ZC3H18: variants seen among roughly 807,000 people sequenced by gnomAD.
The protein encoded by ZC3H18 is zinc finger CCCH domain-containing protein 18.
Under a neutral mutation model 106.1 loss-of-function variants are expected in ZC3H18, and 8 were observed. The observed-to-expected ratio is 0.08, with a 90% CI of 0.04 to 0.14. The LOEUF (loss-of-function observed/expected upper bound fraction) is 0.14. Ranked by LOEUF, ZC3H18 falls within the 10% of genes least tolerant of loss-of-function variation. The pLI is 1.00. For missense variants in ZC3H18, 1,318 were observed against 1,278.4 expected, an observed-to-expected ratio of 1.03 and a Z score of -0.47; for synonymous variants, 635 against 522.1, an observed-to-expected ratio of 1.22 and a Z score of -2.95.
chr16:88,628,016 A>G lies in ZC3H18; in HGVS notation c.2366A>G (p.Lys789Arg), dbSNP rs768437534. ...PKSAKPPAGG[K>R]SSQQPSTPQQ... is the part of the protein sequence containing the mutation. ...TCTGCAAAACCTCCAGCAGGGGGGA[A>G]GTCCTCCCAGCAGCCCTCGACACCC... Residue 789 changes from lysine (K) to arginine (R), a missense_variant, in exon 15 of 18, where the codon AAG (lysine) becomes AGG (arginine). Physicochemically the swap from Lys to Arg is conservative, Grantham distance 26. This residue lies in a region of ZC3H18 where 848 missense variants were observed against 821.7 expected (regional missense o/e 1.03). Coordinates refer to ENST00000301011, the MANE Select transcript of ZC3H18 (RefSeq NM_144604.4). 1.1e-5 allele frequency: 17 copies of G among 1,614,188 alleles called. No homozygotes were observed. The highest frequency in any genetic ancestry group is 2.2e-5 in the South Asian group (2 of 91,088).
intron 1 of ZC3H18, 69 bp downstream of exon 1, chr16:88,570,635 G>T: frequency 6.6e-6 from 1 of 150,558 alleles, no homozygotes; most frequent in South Asian, 1.9e-4. Flanking sequence ...CCGCCGAGGC[G>T]GCGGCGGCGG....
intron 8 of ZC3H18, among the ~76,000 whole-genome samples, chr16:88,614,400 G>A (rs1905453574): frequency 6.6e-6 from 1 of 152,350 alleles, no homozygotes; most frequent in Non-Finnish European, 1.5e-5. Flanking sequence ...CCGCTCTTGT[G>A]TACAGTGGAA....
chr16:88,589,220 C>T lies in ZC3H18; in HGVS notation c.688+2536C>T, dbSNP rs1316469054. 3.3e-5 allele frequency among the ~76,000 whole-genome samples: 5 copies of T among 152,314 alleles called. No individual in the cohort carries two copies. The East Asian group carries it at 5.8e-4, about 18-fold the overall frequency. On this transcript the variant is annotated intron_variant, in intron 3 of 17. Transcript: ENST00000301011. ...GATGTTGGAGCCCTCATTCACTGCT[C>T]GTGAGAGGGTAAAACGGTGCAGCTG...
chr16:88,580,008 G>A (rs1432118893), intron 2 of ZC3H18, among the ~76,000 whole-genome samples: 1 of 152,122 alleles, frequency 6.6e-6, no homozygotes, highest in Non-Finnish European at 1.5e-5. Context: ...CAGGCCCCTG[G>A]GTTGCTTGCC....
At chr16:88,591,111 C>T (rs1915725411) in intron 3 of ZC3H18, among the ~76,000 whole-genome samples, 2 of 152,012 alleles carry the variant, frequency 1.3e-5, no homozygotes, top group Admixed American at 6.6e-5. Flanking sequence ...GTTGGAACTA[C>T]AGGCGCCCGC....
At chr16:88,630,963 A>C (rs1597365117) in intron 17 of ZC3H18, 138 bp from the exon 18 acceptor site, 3 of 1,071,790 alleles carry the variant, frequency 2.8e-6, no homozygotes, top group African/African-American at 3.1e-5. Context: ...TGGCAGTGGG[A>C]GCCTGGCCAT....
Position 88,631,124 on chromosome 16 carries a change from C to A in ZC3H18, c.2687C>A (p.Ser896Tyr). 6.2e-7 allele frequency: 1 copy of A among 1,612,756 alleles called. No homozygotes were observed. The highest frequency in any genetic ancestry group is 1.1e-5 in the South Asian group (1 of 91,050). ...ADRKRQLSPQ[S>Y]KSSSKVTSVP... ...AGGAAGCGCCAGCTGTCACCCCAGTCCAAGAGCTCCAGCAAGGTCACGAGC... is the reference window on the plus strand; with the variant it reads ...AGGAAGCGCCAGCTGTCACCCCAGTACAAGAGCTCCAGCAAGGTCACGAGC... Residue 896 changes from serine (S) to tyrosine (Y), a missense_variant, in exon 18 of 18, where the codon TCC (serine) becomes TAC (tyrosine). Coordinates refer to ENST00000301011, the MANE Select transcript of ZC3H18 (RefSeq NM_144604.4).
chr16:88,592,849 TTTAA>T (rs1264737803), intron 3 of ZC3H18, among the ~76,000 whole-genome samples: 2 of 152,268 alleles, frequency 1.3e-5, no homozygotes, highest in East Asian at 1.9e-4. Context: ...AGAACTGTAA[TTTAA>T]TTAAATCTTA....
At chr16:88,607,644 A>G (rs992325758) in intron 6 of ZC3H18, among the ~76,000 whole-genome samples, 2 of 151,294 alleles carry the variant, frequency 1.3e-5, no homozygotes, top group South Asian at 2.1e-4. Flanking sequence ...CCATTTATTC[A>G]CAGGCTTCAT....
intron 8 of ZC3H18, among the ~76,000 whole-genome samples, chr16:88,614,351 C>T (rs1294878714): frequency 6.6e-6 from 1 of 152,214 alleles, no homozygotes; most frequent in African/African-American, 2.4e-5. Context: ...AAAACAAGCC[C>T]CTTGTCCTCC....
chr16:88,576,129 T>C (rs1045791922), intron 1 of ZC3H18, among the ~76,000 whole-genome samples: 2 of 152,164 alleles, frequency 1.3e-5, no homozygotes, highest in African/African-American at 4.8e-5. Context: ...CTCGATCTCC[T>C]GACCTCATGA....
chr16:88,587,532 T>A, intron 3 of ZC3H18: 3 of 1,535,924 alleles, frequency 2.0e-6, no homozygotes, highest in Non-Finnish European at 2.6e-6. Flanking sequence ...TTCCTGTACT[T>A]CTTTTCCAGA....
chr16:88,624,400 G>T, intron 11 of ZC3H18: 1 of 827,052 alleles, frequency 1.2e-6, no homozygotes, highest in Non-Finnish European at 1.9e-6. Flanking sequence ...GGGGAGCCTG[G>T]AAGGGCTGCT....
chr16:88,620,233 G>A (rs1431397082), intron 8 of ZC3H18, among the ~76,000 whole-genome samples: 1 of 152,244 alleles, frequency 6.6e-6, no homozygotes, highest in Non-Finnish European at 1.5e-5. Flanking sequence ...AGCCAGAGGT[G>A]AGCAAGACGT....
chr16:88,618,869 C>A (rs1187983628), intron 8 of ZC3H18, among the ~76,000 whole-genome samples: 1 of 152,156 alleles, frequency 6.6e-6, no homozygotes, highest in Admixed American at 6.5e-5. Context: ...ACTGGGCCAT[C>A]CCTTGCGAGC....
intron 10 of ZC3H18, 168 bp from the exon 11 acceptor site, chr16:88,623,790 G>A (rs1742896530): frequency 3.1e-6 from 4 of 1,291,542 alleles, no homozygotes; most frequent in Non-Finnish European, 3.1e-6. Flanking sequence ...TCTACTCTGG[G>A]CCTGTGTTTT....
intron 2 of ZC3H18, among the ~76,000 whole-genome samples, chr16:88,581,861 T>C: frequency 6.6e-6 from 1 of 152,256 alleles, no homozygotes; most frequent in Non-Finnish European, 1.5e-5. Context: ...AGGCTCTGAT[T>C]TGCCGTTACA....
chr16:88,619,938 C>G (rs1286995137), intron 8 of ZC3H18, among the ~76,000 whole-genome samples: 2 of 152,204 alleles, frequency 1.3e-5, no homozygotes, highest in African/African-American at 2.4e-5. Context: ...GGAGGATCAT[C>G]AGACAGGTGT....
chr16:88,575,296 A>G (rs540153851), intron 1 of ZC3H18, among the ~76,000 whole-genome samples: 1 of 152,194 alleles, frequency 6.6e-6, no homozygotes, highest in East Asian at 1.9e-4. Context: ...GTTATTTGAG[A>G]TACAAGACAT....
Sources: gnomAD v4.1 joint callset for allele counts (sites outside exome capture counted in the v4.1 genomes callset) on GRCh38, gnomAD v4.1.1 for gene constraint, gnomAD v4.1.1 regional missense constraint, MANE v1.5 for transcripts, NCBI Gene and HGNC (gene_info 2026-07-23, HGNC 2026-07-21) for gene names.